Variants in ZFAT observed in about 807,000 individuals in gnomAD.
ZFAT encodes zinc finger and AT-hook domain containing.
Under a neutral mutation model 117.7 loss-of-function variants are expected in ZFAT, and 64 were observed. The observed-to-expected ratio is 0.54, with a 90% CI of 0.44 to 0.67. ZFAT has a LOEUF of 0.67. ZFAT is among the 30% of genes least tolerant of loss of function. The pLI is 0.00. For synonymous variants in ZFAT, 679 were observed against 615.0 expected, an observed-to-expected ratio of 1.10 and a Z score of -1.54; for missense variants, 1,433 against 1,584.5, an observed-to-expected ratio of 0.90 and a Z score of 1.62.
At position 134,657,614 on chromosome 8, in the gene ZFAT, G is replaced by A; in HGVS notation, c.143C>T (p.Pro48Leu). 2 of 1,613,866 alleles carry A rather than the reference G, an allele frequency of 1.2e-6. No individual in the cohort carries two copies. The highest frequency in any genetic ancestry group is 2.2e-5 in the South Asian group (2 of 91,068). The part of the protein sequence containing the change: ...EGVNVDEIII[P>L]LRPLSTPEPP... ...TTCAGGTGTACTCAGAGGCCTAAGG[G>A]GAATAATAATCTCATCAACATTAAC... Residue 48 changes from proline (P) to leucine (L), a missense_variant, in exon 2 of 16, where the codon CCC becomes CTC. Physicochemically the swap from Pro to Leu is moderately conservative, Grantham distance 98. Coordinates refer to ENST00000377838, the MANE Select transcript of ZFAT (RefSeq NM_020863.4).
chr8:134,602,087 C>T lies in ZFAT; in HGVS notation c.1632G>A (p.Glu544=), dbSNP rs988433528. Reference sequence around the variant, plus strand: ...CAGGGGCCTCCGGCTCCTTCCGGCCCTCCTCCAGCTGAGTGTCCCCAGGAC... The same window carrying T: ...CAGGGGCCTCCGGCTCCTTCCGGCCTTCCTCCAGCTGAGTGTCCCCAGGAC... ...EACPGDTQLE[E]GRKEPEAPGE... Residue 544 remains glutamate, a synonymous_variant, in exon 6 of 16, where the codon GAG becomes GAA. Transcript: ENST00000377838. 5.6e-6 allele frequency: 9 copies of T among 1,611,656 alleles called. No individual in the cohort carries two copies. The South Asian group carries it at 9.9e-5, about 18-fold the overall frequency.
rs376815808 is a variant in ZFAT, at chr8:134,600,486, T to A, written c.2425A>T (p.Thr809Ser). 9.9e-6 allele frequency: 16 copies of A among 1,614,110 alleles called. No homozygotes were observed. The highest frequency in any genetic ancestry group is 4.5e-5 in the East Asian group (2 of 44,904). ...GCCTGTAGCTTATATTTATCTGGAG[T>A]TGAGTAGTCACAGCCATCGGTGGGA... Reference protein sequence around the residue: ...KCPTDGCDYSTPDKYKLQAHL... With the variant: ...KCPTDGCDYSSPDKYKLQAHL... Residue 809 changes from threonine to serine, a missense_variant, in exon 7 of 16, where the codon ACT becomes TCT. Thr to Ser is a moderately conservative substitution (Grantham distance 58). Around this residue, in one of 5 missense-constraint regions of ZFAT, gnomAD observed 49 missense variants for 81.5 expected, o/e 0.60. Transcript: ENST00000377838.
intron 3 of ZFAT, among the ~76,000 whole-genome samples, chr8:134,626,481 A>G (rs1399277380): frequency 2.6e-5 from 4 of 152,254 alleles, no homozygotes; most frequent in African/African-American, 9.6e-5. Context: ...GAATCAGAGC[A>G]GAGACACAGT....
At chr8:134,802,331 C>T in the ZFAT span, among the ~76,000 whole-genome samples, 1 of 152,142 alleles carries the variant, frequency 6.6e-6, no homozygotes, top group Non-Finnish European at 1.5e-5. Context: ...AAATAATGCA[C>T]ATTGATCCAA....
At chr8:134,716,150 T>C (rs572686448), upstream of ZFAT, among the ~76,000 whole-genome samples, 2 of 143,764 alleles carry the variant, frequency 1.4e-5, no homozygotes, top group South Asian at 2.3e-4. Flanking sequence ...TATTTATATA[T>C]ATATATATAT....
intron 3 of ZFAT, among the ~76,000 whole-genome samples, chr8:134,627,096 G>A (rs1829569144): frequency 1.3e-5 from 2 of 152,196 alleles, no homozygotes; most frequent in Non-Finnish European, 2.9e-5. Context: ...CTCAGGACAG[G>A]GTGAGATCCA....
At chr8:134,815,880 T>C in the ZFAT span, among the ~76,000 whole-genome samples, 2 of 152,230 alleles carry the variant, frequency 1.3e-5, no homozygotes, top group African/African-American at 4.8e-5. Context: ...TGATTTTCTT[T>C]ACACTTCTTA....
chr8:134,600,663 G>T lies in ZFAT; in HGVS notation c.2248C>A (p.Leu750Ile). The part of the protein sequence containing the change: ...GDLECEYCGK[L>I]FWYQVHFDMH... The stretch of plus-strand genomic sequence containing the variant: ...TCAAAATGCACTTGGTACCAAAAAA[G>T]TTTGCCTAAAAAAATATTTTCACAT... Residue 750 changes from leucine (L) to isoleucine (I), a missense_variant, in exon 7 of 16, where the codon CTT becomes ATT. Physicochemically the swap from Leu to Ile is conservative, Grantham distance 5. Transcript: ENST00000377838. 3.8e-6 allele frequency: 6 copies of T among 1,572,550 alleles called. No individual in the cohort carries two copies. Among genetic ancestry groups the T allele is most frequent in the Non-Finnish European group, 5.2e-6 (6 of 1,158,574 alleles).
chr8:134,664,657 G>A (rs923552426), intron 1 of ZFAT, among the ~76,000 whole-genome samples: 1 of 152,240 alleles, frequency 6.6e-6, no homozygotes, highest in East Asian at 1.9e-4. Context: ...CGCCGGGTCA[G>A]GCTGCATCCC....
the ZFAT span, among the ~76,000 whole-genome samples, chr8:134,729,499 T>A: frequency 6.6e-6 from 1 of 151,820 alleles, no homozygotes; most frequent in Admixed American, 6.6e-5. Context: ...GCCCAGCTAA[T>A]TTTTTTTGTA....
At chr8:134,567,650 G>A (rs1436021358) in intron 10 of ZFAT, among the ~76,000 whole-genome samples, 1 of 152,176 alleles carries the variant, frequency 6.6e-6, no homozygotes, top group African/African-American at 2.4e-5. Flanking sequence ...GAGCACAGCA[G>A]AGAAGGCCCT....
At chr8:134,670,634 C>A (rs561777609) in intron 1 of ZFAT, among the ~76,000 whole-genome samples, 2 of 152,178 alleles carry the variant, frequency 1.3e-5, no homozygotes, top group Non-Finnish European at 2.9e-5. Context: ...GCACTAAATG[C>A]CCACAAGAGA....
At chr8:134,818,781 T>C in the ZFAT span, among the ~76,000 whole-genome samples, 1 of 152,198 alleles carries the variant, frequency 6.6e-6, no homozygotes, top group East Asian at 1.9e-4. Flanking sequence ...AGAGTAACTA[T>C]TGGTGCATGG....
intron 15 of ZFAT, among the ~76,000 whole-genome samples, chr8:134,505,228 A>T (rs1819305684): frequency 6.6e-6 from 1 of 152,228 alleles, no homozygotes; most frequent in Non-Finnish European, 1.5e-5. Context: ...TGATATGTTC[A>T]CTGAAATATC....
At chr8:134,713,717 T>G (rs575628871), upstream of ZFAT, among the ~76,000 whole-genome samples, 51 of 152,232 alleles carry the variant, frequency 3.4e-4, no homozygotes, top group African/African-American at 1.2e-3. Context: ...AATGACTTTG[T>G]TTTTGGTTTT....
intron 11 of ZFAT, among the ~76,000 whole-genome samples, chr8:134,540,170 G>A (rs141225205): frequency 5.9e-5 from 9 of 152,298 alleles, no homozygotes; most frequent in African/African-American, 2.2e-4. Flanking sequence ...AGAGAAGCAG[G>A]ATTGGAACAG....
intron 2 of ZFAT, among the ~76,000 whole-genome samples, chr8:134,638,577 AC>A (rs1830391111): frequency 1.4e-5 from 2 of 142,922 alleles, no homozygotes; most frequent in African/African-American, 2.6e-5. Flanking sequence ...AAAAAAAAAA[AC>A]ATTAACCAGG....
chr8:134,670,638 C>G (rs1484559847), intron 1 of ZFAT, among the ~76,000 whole-genome samples: 1 of 152,170 alleles, frequency 6.6e-6, no homozygotes, highest in African/African-American at 2.4e-5. Flanking sequence ...TAAATGCCCA[C>G]AAGAGAAAGC....
intron 15 of ZFAT, among the ~76,000 whole-genome samples, chr8:134,509,095 A>G (rs1375077105): frequency 1.3e-5 from 2 of 152,226 alleles, no homozygotes; most frequent in Non-Finnish European, 2.9e-5. Flanking sequence ...AAATGAGCCA[A>G]GCAGATAAAG....
Sources: gnomAD v4.1 joint callset for allele counts (sites outside exome capture counted in the v4.1 genomes callset) on GRCh38, gnomAD v4.1.1 for gene constraint, gnomAD v4.1.1 regional missense constraint, MANE v1.5 for transcripts, NCBI Gene and HGNC (gene_info 2026-07-23, HGNC 2026-07-21) for gene names.